Variants in CLCN5 observed in about 807,000 individuals in gnomAD.
CLCN5 encodes the protein H(+)/Cl(-) exchange transporter 5.
In CLCN5, 17 loss-of-function variants were observed where a neutral mutation model predicts 54.0. That is an observed-to-expected ratio of 0.31 (90% CI 0.22 to 0.47). The LOEUF is 0.47. Ranked by LOEUF, CLCN5 falls within the 20% of genes least tolerant of loss-of-function variation. The probability of loss-of-function intolerance (pLI) is 1.00; values close to 1 mark genes in which losing one functional copy is unlikely to be tolerated. For missense variants in CLCN5, 448 were observed against 646.7 expected (o/e 0.69, Z 3.33); for synonymous variants, 222 against 233.0 (o/e 0.95, Z 0.43).
intron 3 of CLCN5, among the ~76,000 whole-genome samples, chrX:50,028,331 A>G (rs1402512601): frequency 1.8e-5 from 2 of 112,189 alleles, no homozygotes; most frequent in African/African-American, 6.5e-5. Context: ...CTGGAAGCAG[A>G]AAGAGCTTTT....
chrX:50,052,361 C>G (rs186570331), intron 4 of CLCN5, among the ~76,000 whole-genome samples: 3 of 112,042 alleles, frequency 2.7e-5, no homozygotes, highest in Non-Finnish European at 5.6e-5. Flanking sequence ...TCCAGCTTTG[C>G]ATACCTGGAA....
chrX:49,929,772 G>GTT (rs1348714780), intron 3 of CLCN5, among the ~76,000 whole-genome samples: 61 of 99,747 alleles, frequency 6.1e-4, no homozygotes, highest in African/African-American at 2.5e-3. Flanking sequence ...ATAAATATAG[G>GTT]TTTTTTGTTT....
intron 3 of CLCN5, among the ~76,000 whole-genome samples, chrX:49,991,236 T>A (rs186861743): frequency 2.7e-5 from 3 of 112,430 alleles, no homozygotes; most frequent in Non-Finnish European, 5.6e-5. Flanking sequence ...TTTGATTTTT[T>A]AATTATGGCC....
At chrX:50,070,505 C>T (rs1933185099) in intron 5 of CLCN5, among the ~76,000 whole-genome samples, 1 of 111,190 alleles carries the variant, frequency 9.0e-6, no homozygotes, top group Non-Finnish European at 1.9e-5. Flanking sequence ...GCAGGATATT[C>T]ATAACTAAGA....
chrX:50,032,621 C>T (rs1931768667), intron 3 of CLCN5, among the ~76,000 whole-genome samples: 1 of 107,531 alleles, frequency 9.3e-6, no homozygotes, highest in South Asian at 3.9e-4. Context: ...TGGATATTAG[C>T]CCTTTGTCAG....
intron 3 of CLCN5, among the ~76,000 whole-genome samples, chrX:50,034,319 G>A (rs1465848765): frequency 2.7e-5 from 3 of 111,246 alleles, no homozygotes; most frequent in Non-Finnish European, 5.7e-5. Flanking sequence ...TATTGCTTTC[G>A]CTGCTTTACT....
intron 3 of CLCN5, among the ~76,000 whole-genome samples, chrX:50,028,892 A>AT (rs1569539035): frequency 8.9e-6 from 1 of 111,977 alleles, no homozygotes; most frequent in African/African-American, 3.2e-5. Context: ...GAATTAATCA[A>AT]TTTTTTGTCT....
intron 3 of CLCN5, among the ~76,000 whole-genome samples, chrX:49,969,713 G>T (rs1557175971): frequency 1.8e-5 from 2 of 112,029 alleles, no homozygotes; most frequent in African/African-American, 6.5e-5. Flanking sequence ...ACTGTTCTGT[G>T]TGCACTTGAA....
chrX:49,981,637 T>C (rs1928735913), intron 3 of CLCN5, among the ~76,000 whole-genome samples: 1 of 110,923 alleles, frequency 9.0e-6, no homozygotes, highest in African/African-American at 3.3e-5. Flanking sequence ...TAAATCTAAA[T>C]ATTACTAAAT....
rs781945797 is a variant in CLCN5 at position 50,074,397 on chromosome X, AAGG to A, written c.416-1395_416-1393del. Among the ~76,000 whole-genome samples the A allele has an allele frequency of 9.8e-4, 109 of 111,646 alleles. 1 individual carries two copies. The highest frequency in any genetic ancestry group is 1.8e-3 in the Non-Finnish European group (94 of 53,109). ...TGACTCTGGGGAGGAGGAGAGGTAG[AAGG>A]AGAAGACAGGATTGAGGGTACCAGT... On this transcript the variant is annotated intron_variant, in intron 6 of 14. Coordinates refer to ENST00000376091, the MANE Select transcript of CLCN5 (RefSeq NM_001127898.4).
At chrX:49,936,257 A>G (rs1240531739) in intron 3 of CLCN5, among the ~76,000 whole-genome samples, 2 of 111,847 alleles carry the variant, frequency 1.8e-5, no homozygotes, top group African/African-American at 6.5e-5. Context: ...CTGTGTTCTT[A>G]CATATTCAAT....
chrX:50,078,862 A>G (rs1181986429), intron 7 of CLCN5, among the ~76,000 whole-genome samples: 5 of 111,995 alleles, frequency 4.5e-5, no homozygotes, highest in Non-Finnish European at 7.5e-5. Flanking sequence ...TCACTCTGTC[A>G]CCCAGGCTGG....
intron 3 of CLCN5, among the ~76,000 whole-genome samples, chrX:50,033,776 T>G (rs969643724): frequency 1.8e-5 from 2 of 111,944 alleles, no homozygotes; most frequent in East Asian, 2.8e-4. Flanking sequence ...CATTTTAATT[T>G]CAAATACAAT....
Position 50,069,875 on chromosome X carries a change from A to G in CLCN5, c.164-4A>G. 3 of 1,203,404 alleles carry G rather than the reference A, an allele frequency of 2.5e-6. No individual in the cohort carries two copies. Among genetic ancestry groups the G allele is most frequent in the Non-Finnish European group, 3.4e-6 (3 of 890,992 alleles). ...TACTAATGTCTATTTCTTGTTCAAT[A>G]CAGAGGACAAGTCGTACAATGGTGG... On this transcript the variant is annotated splice_region_variant and splice_polypyrimidine_tract_variant and intron_variant, in intron 4 of 14. Transcript: ENST00000376091.
chrX:50,047,657 T>C (rs1030122237), intron 4 of CLCN5, among the ~76,000 whole-genome samples: 3 of 111,861 alleles, frequency 2.7e-5, no homozygotes, highest in African/African-American at 6.5e-5. Flanking sequence ...ATATTCTTCA[T>C]GTCTCTAAGG....
chrX:50,064,613 C>T (rs1179466570), intron 4 of CLCN5, among the ~76,000 whole-genome samples: 1 of 99,773 alleles, frequency 1.0e-5, no homozygotes, highest in Non-Finnish European at 2.0e-5. Flanking sequence ...TCAATGCCAT[C>T]CCCATCAAGC....
Position 50,086,685 on chromosome X carries a change from C to CTGTT in CLCN5, c.1374_1377dup (p.Asn460ValfsTer2). The CTGTT allele has an allele frequency of 8.3e-7, 1 of 1,211,163 alleles. No homozygotes were observed. The highest frequency in any genetic ancestry group is 1.1e-6 in the Non-Finnish European group (1 of 895,419). ...GAGCACAAGTGAGCTCATTTCTGAGCTGTTTAATGACTGTGGCCTTCTGGA... is the reference window on the plus strand; with the variant it reads ...GAGCACAAGTGAGCTCATTTCTGAGCTGTTTGTTTAATGACTGTGGCCTTCTGGA... On this transcript the variant is annotated frameshift_variant, in exon 11 of 15. Coordinates refer to ENST00000376091, the MANE Select transcript of CLCN5 (RefSeq NM_001127898.4). LOFTEE classifies it high-confidence loss of function.
In CLCN5 at chrX:50,094,836, A is replaced by C. The variant is rs1934209729; in HGVS notation, c.*2617A>C. The C allele has an allele frequency of 8.9e-6, 1 of 112,787 alleles. No individual in the cohort carries two copies. Among genetic ancestry groups the C allele is most frequent in the Admixed American group, 9.4e-5 (1 of 10,621 alleles). The allele number at this position is 112,787 out of a possible 1,213,427, so 9.3% of individuals were successfully genotyped here. On this transcript the variant is annotated 3_prime_UTR_variant, in exon 15 of 15. Coordinates refer to ENST00000376091, the MANE Select transcript of CLCN5 (RefSeq NM_001127898.4). ...TATGTCCAGTCCTATGGTTTGGCTC[A>C]AAGGTTGGCTAATTGCAGCTAGAGC...
intron 3 of CLCN5, among the ~76,000 whole-genome samples, chrX:50,025,768 C>G (rs1931350519): frequency 9.0e-6 from 1 of 111,001 alleles, no homozygotes; most frequent in Non-Finnish European, 1.9e-5. Flanking sequence ...ACCGGCAGGC[C>G]TTTCATGCTT....
Sources: allele counts gnomAD v4.1 joint callset (sites outside exome capture counted in the v4.1 genomes callset), GRCh38; gene constraint gnomAD v4.1.1; transcripts MANE v1.5; gene names NCBI Gene and HGNC (gene_info 2026-07-23, HGNC 2026-07-21).